The following FRMPD2 variants were observed in gnomAD, a reference collection of about 807,000 sequenced individuals.
FRMPD2 encodes FERM and PDZ domain containing 2, also known as FERM and PDZ domain-containing protein 2.
Under a neutral mutation model 140.1 loss-of-function variants are expected in FRMPD2, and 96 were observed. The observed-to-expected ratio is 0.69, with a 90% CI of 0.58 to 0.81. The LOEUF is 0.81. Ranked by LOEUF, FRMPD2 falls within the 40% of genes least tolerant of loss-of-function variation. The probability of loss-of-function intolerance (pLI) is 0.00; values close to 1 mark genes in which losing one functional copy is unlikely to be tolerated. For synonymous variants in FRMPD2, 449 were observed against 547.6 expected (o/e 0.82, Z 2.52); for missense variants, 1,240 against 1,447.4 (o/e 0.86, Z 2.32).
intron 1 of FRMPD2, among the ~76,000 whole-genome samples, chr10:48,259,836 C>T (rs779229138): frequency 4.6e-5 from 7 of 152,006 alleles, no homozygotes; most frequent in South Asian, 2.1e-4. Flanking sequence ...AGCTAAAGAA[C>T]AGCAAGGCCC....
intron 12 of FRMPD2, among the ~76,000 whole-genome samples, chr10:48,216,329 T>TA (rs55808202): frequency 2.6e-5 from 4 of 151,014 alleles, no homozygotes; most frequent in South Asian, 2.1e-4. Context: ...GATAGATAGA[T>TA]GATAAATAGA....
chr10:48,217,357 A>G (rs1839474351), intron 12 of FRMPD2, among the ~76,000 whole-genome samples: 1 of 152,208 alleles, frequency 6.6e-6, no homozygotes, highest in Admixed American at 6.5e-5. Flanking sequence ...ACATGATGAC[A>G]AATGCTGTGA....
chr10:48,200,685 T>G (rs1056739680), intron 15 of FRMPD2, among the ~76,000 whole-genome samples: 1 of 152,250 alleles, frequency 6.6e-6, no homozygotes, highest in African/African-American at 2.4e-5. Context: ...GCTAGCTAGA[T>G]ACAGTCTTAG....
At chr10:48,232,492 T>C (rs1256720627) in intron 9 of FRMPD2, among the ~76,000 whole-genome samples, 1 of 152,064 alleles carries the variant, frequency 6.6e-6, no homozygotes, top group Admixed American at 6.5e-5. Context: ...GTTTGCACAG[T>C]TTGTAAGGCA....
chr10:48,169,710 A>G (rs1838191049), intron 26 of FRMPD2, among the ~76,000 whole-genome samples: 1 of 98,730 alleles, frequency 1.0e-5, no homozygotes, highest in Non-Finnish European at 2.4e-5. Context: ...TCTGATCTCT[A>G]CTCACTAGAT....
chr10:48,229,324 A>G (rs1839797217), intron 10 of FRMPD2, among the ~76,000 whole-genome samples: 1 of 152,158 alleles, frequency 6.6e-6, no homozygotes, highest in South Asian at 2.1e-4. Flanking sequence ...TGGTTAAATG[A>G]ATGACAATTA....
intron 6 of FRMPD2, among the ~76,000 whole-genome samples, chr10:48,240,115 GT>G (rs1840068949): frequency 6.6e-6 from 1 of 152,130 alleles, no homozygotes; most frequent in Non-Finnish European, 1.5e-5. Context: ...AACTTGGACA[GT>G]TAGAACTCAT....
chr10:48,185,774 A>G (rs1838670118), intron 17 of FRMPD2, 129 bp from the exon 18 acceptor site: 1 of 697,276 alleles, frequency 1.4e-6, no homozygotes, highest in Non-Finnish European at 2.6e-6. Context: ...TCCTGAAAAC[A>G]AAAGTAGCTC....
In FRMPD2 at chr10:48,185,593, A is replaced by T. The variant is rs781676807; in HGVS notation, c.2319T>A (p.Ile773=). The change falls in exon 18 of 29, where the codon ATT becomes ATA. Residue 773 remains isoleucine, a synonymous_variant. Transcript: ENST00000374201. ...GGTCACGTTTCAGTGTCACACGTAC[A>T]ATTTCTCGGCCCGGTTCAGCTATAA... ...KSFIAEPGRE[I]VRVTLKRDPH... 6 of 1,614,088 alleles carry T rather than the reference A, an allele frequency of 3.7e-6. No homozygotes were observed. In the Admixed American group the frequency reaches 5.0e-5, roughly 13 times the overall value.
intron 21 of FRMPD2, among the ~76,000 whole-genome samples, chr10:48,179,820 G>A (rs576012718): frequency 5.6e-4 from 85 of 152,338 alleles, no homozygotes; most frequent in African/African-American, 1.9e-3. Context: ...GTTTCAACCA[G>A]CAAGTTGTCC....
intron 4 of FRMPD2, among the ~76,000 whole-genome samples, chr10:48,244,062 C>T (rs1463884831): frequency 6.6e-6 from 1 of 152,236 alleles, no homozygotes; most frequent in Non-Finnish European, 1.5e-5. Flanking sequence ...CTTCAACCTT[C>T]CCCTCCCGGC....
chr10:48,248,455 T>C (rs936012970), intron 3 of FRMPD2: 12 of 152,212 alleles, frequency 7.9e-5, no homozygotes, highest in African/African-American at 2.9e-4. Context: ...TTGGATAATA[T>C]TATGTGCACA....
At position 48,206,874 on chromosome 10, in the gene FRMPD2, C is replaced by T; in HGVS notation, c.1671G>A (p.Arg557=). 2 of 1,614,120 alleles carry T rather than the reference C, an allele frequency of 1.2e-6. No homozygotes were observed. The highest frequency in any genetic ancestry group is 1.7e-6 in the Non-Finnish European group (2 of 1,179,976). ...CCAGGGCCATCTCCTCTTCTGGCCT[C>T]CTCTTCTCTGAGAATACTTGGTGAA... ...VLVHQVFSEK[R]RPEEEMALGI... is the part of the protein sequence containing the mutation. Residue 557 remains arginine, a synonymous_variant, in exon 14 of 29, where the codon AGG becomes AGA. Coordinates refer to ENST00000374201, the MANE Select transcript of FRMPD2 (RefSeq NM_001018071.4).
intron 12 of FRMPD2, among the ~76,000 whole-genome samples, chr10:48,220,820 C>A (rs1363564082): frequency 6.6e-6 from 1 of 152,068 alleles, no homozygotes; most frequent in Non-Finnish European, 1.5e-5. Flanking sequence ...TACAAATGGT[C>A]AACAAACACA....
chr10:48,247,337 G>A (rs1840273025), intron 3 of FRMPD2, among the ~76,000 whole-genome samples: 1 of 152,222 alleles, frequency 6.6e-6, no homozygotes, highest in Admixed American at 6.5e-5. Context: ...TGTTAGCTCA[G>A]GTACATCAGA....
chr10:48,192,908 GA>G lies in FRMPD2; in HGVS notation c.1955-15del, dbSNP rs1264277927. 5.0e-6 allele frequency: 8 copies of G among 1,588,522 alleles called. No individual in the cohort carries two copies. Among genetic ancestry groups the G allele is most frequent in the Non-Finnish European group, 6.9e-6 (8 of 1,159,356 alleles). ...ACTTATCATGGTCTGAATTTGGGGAGAAAAACATAGACATACACACACACAA... is the reference window on the plus strand; with the variant it reads ...ACTTATCATGGTCTGAATTTGGGGAGAAAACATAGACATACACACACACAA... On this transcript the variant is annotated splice_polypyrimidine_tract_variant and intron_variant, in intron 15 of 28. Transcript: ENST00000374201.
At chr10:48,199,502 C>T (rs1156243871) in intron 15 of FRMPD2, among the ~76,000 whole-genome samples, 1 of 152,162 alleles carries the variant, frequency 6.6e-6, no homozygotes, top group Non-Finnish European at 1.5e-5. Context: ...TTTAATAGGA[C>T]ATTCATTGTT....
In FRMPD2 at chr10:48,236,469, G is replaced by C. The variant is rs757332925; in HGVS notation, c.993+13C>G. 3 of 1,613,086 alleles carry C rather than the reference G, an allele frequency of 1.9e-6. No individual in the cohort carries two copies. The highest frequency in any genetic ancestry group is 2.5e-6 in the Non-Finnish European group (3 of 1,179,196). On this transcript the variant is annotated intron_variant, in intron 9 of 28. Transcript: ENST00000374201. ...CCACCCTCCATCCCTGCCCAGTCTAGCCCAGTAGTTACCACAACCGATCCC... is the reference window on the plus strand; with the variant it reads ...CCACCCTCCATCCCTGCCCAGTCTACCCCAGTAGTTACCACAACCGATCCC...
At chr10:48,182,624 A>G (rs1838579063) in intron 20 of FRMPD2, among the ~76,000 whole-genome samples, 1 of 152,222 alleles carries the variant, frequency 6.6e-6, no homozygotes, top group African/African-American at 2.4e-5. Flanking sequence ...CACCATGATG[A>G]AGGCAGCATT....
Sources: gnomAD v4.1 joint callset for allele counts (sites outside exome capture counted in the v4.1 genomes callset) on GRCh38, gnomAD v4.1.1 for gene constraint, MANE v1.5 for transcripts, NCBI Gene and HGNC (gene_info 2026-07-23, HGNC 2026-07-21) for gene names.